Variants in CAPN3 observed in about 807,000 individuals in gnomAD.
CAPN3 encodes the protein calpain-3.
A neutral mutation model predicts 114.0 loss-of-function variants in CAPN3; 88 were observed. The observed-to-expected ratio is 0.77, with a 90% CI of 0.65 to 0.92. The LOEUF is 0.92. Among genes scored for constraint, CAPN3 ranks in the 40% least tolerant of loss-of-function variants. The pLI, the probability that CAPN3 is intolerant of heterozygous loss-of-function variation, is 0.00. For synonymous variants in CAPN3, 386 were observed against 382.9 expected, an observed-to-expected ratio of 1.01 and a Z score of -0.09; for missense variants, 1,028 against 1,069.0, an observed-to-expected ratio of 0.96 and a Z score of 0.53.
At position 42,412,042 on chromosome 15, in the gene CAPN3, C is replaced by T; in HGVS notation, c.*269C>T. On this transcript the variant is annotated 3_prime_UTR_variant, in exon 24 of 24. Coordinates refer to ENST00000397163, the MANE Select transcript of CAPN3 (RefSeq NM_000070.3). ...GGAAAGTGCCTGCCTCTGGTCCGAG[C>T]CGCCTCGGTTCTGAAGCGAGTGCTC... The T allele has an allele frequency of 1.3e-6, 2 of 1,518,690 alleles. No homozygotes were observed. Among genetic ancestry groups the T allele is most frequent in the African/African-American group, 1.4e-5 (1 of 72,720 alleles). The allele number at this position is 1,518,690 out of a possible 1,614,324, so 94.1% of individuals were successfully genotyped here.
intron 3 of CAPN3, 89 bp from the exon 4 acceptor site, chr15:42,387,664 T>A: frequency 6.6e-7 from 1 of 1,523,462 alleles, no homozygotes; most frequent in Non-Finnish European, 9.1e-7. Context: ...TGCTTTGGGA[T>A]TCAAGAACCC....
rs1566977113 is a variant in CAPN3, at chr15:42,392,703, C to CT, written c.1011dup (p.Val338CysfsTer6). The CT allele has an allele frequency of 6.2e-7, 1 of 1,613,926 alleles. No individual in the cohort carries two copies. Among genetic ancestry groups the CT allele is most frequent in the East Asian group, 2.2e-5 (1 of 44,870 alleles). On this transcript the variant is annotated frameshift_variant, in exon 7 of 24. Coordinates refer to ENST00000397163, the MANE Select transcript of CAPN3 (RefSeq NM_000070.3). LOFTEE classifies it high-confidence loss of function. ...GGGCTGGTCAGAGGTCACGCCTACT[C>CT]TGTCACGGGGCTGGATGAGGTAAGC...
At chr15:42,410,822 A>G (rs2054195626) in intron 21 of CAPN3, 62 bp from the exon 22 acceptor site, 1 of 1,461,464 alleles carries the variant, frequency 6.8e-7, no homozygotes, top group Admixed American at 1.7e-5. Flanking sequence ...AGGCAGGGAA[A>G]ATAGAAGGCA....
intron 4 of CAPN3, 107 bp downstream of exon 4, chr15:42,387,993 A>T: frequency 7.3e-7 from 1 of 1,360,724 alleles, no homozygotes; most frequent in Non-Finnish European, 1.0e-6. Flanking sequence ...CTATACGTGC[A>T]TATGTGTGGG....
chr15:42,372,628 A>T (rs537499941), intron 1 of CAPN3, among the ~76,000 whole-genome samples: 17 of 152,246 alleles, frequency 1.1e-4, no homozygotes, highest in Non-Finnish European at 2.9e-5. Context: ...CAGGCGGATT[A>T]CCTGAAGTCA....
chr15:42,364,520 A>G (rs1325743934), intron 1 of CAPN3, among the ~76,000 whole-genome samples: 1 of 152,240 alleles, frequency 6.6e-6, no homozygotes, highest in Non-Finnish European at 1.5e-5. Flanking sequence ...GTGTTTGAGT[A>G]CTTCATGCCT....
At position 42,396,241 on chromosome 15, in the gene CAPN3, A is replaced by ATTT. The variant is rs554769961; in HGVS notation, c.1116-542_1116-540dup. ...CCCAGTTTGTCTATGTCCAGAACCC[A>ATTT]TTTTTTTTTTTTTTTTTTTGAGACG... On this transcript the variant is annotated intron_variant, in intron 8 of 23. Transcript: ENST00000397163. 3.5e-3 allele frequency among the ~76,000 whole-genome samples: 436 copies of ATTT among 125,770 alleles called. 10 individuals carry two copies. Among genetic ancestry groups the ATTT allele is most frequent in the African/African-American group, 0.012 (399 of 32,692 alleles). 82.5% of individuals were successfully genotyped at this position (125,770 alleles called of 152,430 possible).
chr15:42,393,907 T>G (rs1361473702), intron 7 of CAPN3, among the ~76,000 whole-genome samples: 4 of 152,152 alleles, frequency 2.6e-5, no homozygotes, highest in African/African-American at 9.7e-5. Flanking sequence ...GGGGCCTTTT[T>G]TCTAATTTAT....
chr15:42,407,992 C>G (rs906843826), intron 15 of CAPN3, among the ~76,000 whole-genome samples: 3 of 152,136 alleles, frequency 2.0e-5, no homozygotes, highest in Admixed American at 6.5e-5. Context: ...TCTCAATACT[C>G]TACCATGAGG....
intron 7 of CAPN3, among the ~76,000 whole-genome samples, chr15:42,393,244 G>A (rs1423171888): frequency 6.6e-6 from 1 of 152,204 alleles, no homozygotes; most frequent in Non-Finnish European, 1.5e-5. Flanking sequence ...GAAATGCTAT[G>A]TAAATAGTTA....
chr15:42,410,808 C>G, intron 21 of CAPN3, 76 bp from the exon 22 acceptor site: 1 of 1,413,892 alleles, frequency 7.1e-7, no homozygotes. Flanking sequence ...ACAGAGTGGC[C>G]GAGAGGCAGG....
chr15:42,375,328 C>T (rs1198755442), intron 1 of CAPN3, among the ~76,000 whole-genome samples: 1 of 152,078 alleles, frequency 6.6e-6, no homozygotes, highest in African/African-American at 2.4e-5. Context: ...CATGTGCTGT[C>T]GCTTCTGTTT....
chr15:42,392,648 C>A lies in CAPN3; in HGVS notation c.955C>A (p.Pro319Thr). The change falls in exon 7 of 24, where the codon CCG becomes ACG. Residue 319 changes from proline to threonine, a missense_variant. Physicochemically the swap from Pro to Thr is conservative, Grantham distance 38. Transcript: ENST00000397163. ...SDERPTRTIIPVQYETRMACG... is the reference protein window; with the variant it reads ...SDERPTRTIITVQYETRMACG... Reference sequence around the variant, plus strand: ...GGTTACTGCTCTACAGACAATCATTCCGGTTCAGTATGAGACAAGAATGGC... The same window carrying A: ...GGTTACTGCTCTACAGACAATCATTACGGTTCAGTATGAGACAAGAATGGC... The A allele has an allele frequency of 6.2e-7, 1 of 1,613,592 alleles. No homozygotes were observed. Among genetic ancestry groups the A allele is most frequent in the Non-Finnish European group, 8.5e-7 (1 of 1,179,566 alleles).
In CAPN3 at chr15:42,359,616, A is replaced by G; in HGVS notation, c.-190A>G. On this transcript the variant is annotated 5_prime_UTR_variant, in exon 1 of 24. Transcript: ENST00000397163. The stretch of plus-strand genomic sequence containing the variant: ...CAGGAGAACTTATGGCTTCAGAATC[A>G]CAGCTCGGTTTTTAAGATGGACATA... The G allele has an allele frequency of 7.0e-7, 1 of 1,433,888 alleles. No individual in the cohort carries two copies. Among genetic ancestry groups the G allele is most frequent in the South Asian group, 1.5e-5 (1 of 65,724 alleles). The allele number at this position is 1,433,888 out of a possible 1,614,324, so 88.8% of individuals were successfully genotyped here.
rs749565294 is a variant in CAPN3, at chr15:42,408,280, G to A, written c.1870G>A (p.Gly624Ser). Residue 624 changes from glycine to serine, a missense_variant, in exon 16 of 24, where the codon GGC (glycine) becomes AGC (serine). By Grantham distance (56) the Gly-to-Ser change is moderately conservative. Transcript: ENST00000397163. Reference sequence around the variant, plus strand: ...GGGTGTGGACCAGGAGTCAGAGGAGGGCAAAGGCAAAACAAGCCCTGATAA... The same window carrying A: ...GGGTGTGGACCAGGAGTCAGAGGAGAGCAAAGGCAAAACAAGCCCTGATAA... Reference protein sequence around the residue: ...ELGVDQESEEGKGKTSPDKQK... With the variant: ...ELGVDQESEESKGKTSPDKQK... 6.2e-7 allele frequency: 1 copy of A among 1,613,874 alleles called. No homozygotes were observed. Among genetic ancestry groups the A allele is most frequent in the Non-Finnish European group, 8.5e-7 (1 of 1,179,868 alleles).
rs371784007 is a variant in CAPN3 at position 42,399,500 on chromosome 15, A to G, written c.1202A>G (p.Tyr401Cys). ...TTCTTCCAACCTCTCAGGATGTCCT[A>G]TGAGGATTTCATCTACCATTTCACA... ...VTEDGEFWMS[Y>C]EDFIYHFTKL... Residue 401 changes from tyrosine (Y) to cysteine (C), a missense_variant, in exon 10 of 24, where the codon TAT (tyrosine) becomes TGT (cysteine). Tyr to Cys is a radical substitution (Grantham distance 194, BLOSUM62 -2). Transcript: ENST00000397163. 21 of 1,613,008 alleles carry G rather than the reference A, an allele frequency of 1.3e-5. No individual in the cohort carries two copies. Among genetic ancestry groups the G allele is most frequent in the African/African-American group, 4.0e-5 (3 of 74,824 alleles).
intron 14 of CAPN3, among the ~76,000 whole-genome samples, chr15:42,405,171 C>T (rs2053982908): frequency 6.6e-6 from 1 of 152,056 alleles, no homozygotes; most frequent in Non-Finnish European, 1.5e-5. Context: ...GGGGCTTTTA[C>T]CAAAGAAAAT....
Position 42,406,056 on chromosome 15 carries a change from T to G in CAPN3, c.1800+113T>G, listed in dbSNP as rs769567055. 47 of 902,306 alleles carry G rather than the reference T, an allele frequency of 5.2e-5. 1 individual carries two copies. The highest frequency in any genetic ancestry group is 7.2e-5 in the Non-Finnish European group (39 of 544,714). 55.9% of individuals were successfully genotyped at this position (902,306 alleles called of 1,614,324 possible). On this transcript the variant is annotated intron_variant, in intron 15 of 23. Transcript: ENST00000397163. ...GCATCCATGCACCAGACTTGCCTCT[T>G]CCTCCCCCTCCTTCCTGAGCTTCTG...
chr15:42,360,170 C>A, intron 1 of CAPN3, 56 bp downstream of exon 1: 1 of 1,599,558 alleles, frequency 6.3e-7, no homozygotes, highest in Non-Finnish European at 8.6e-7. Flanking sequence ...AGTCCTCTCA[C>A]TCAGCACCTC....
Sources: gnomAD v4.1 joint callset for allele counts (sites outside exome capture counted in the v4.1 genomes callset) on GRCh38, gnomAD v4.1.1 for gene constraint, MANE v1.5 for transcripts, NCBI Gene and HGNC (gene_info 2026-07-23, HGNC 2026-07-21) for gene names.